JMJD1C: variants seen among roughly 807,000 people sequenced by gnomAD.
JMJD1C encodes jumonji domain containing 1C, also known as jumonji domain-containing protein 1C.
Under a neutral mutation model 245.3 loss-of-function variants are expected in JMJD1C, and 31 were observed. That is an observed-to-expected ratio of 0.13 (90% CI 0.09 to 0.17). The LOEUF (loss-of-function observed/expected upper bound fraction) is 0.17. Ranked by LOEUF, JMJD1C falls within the 10% of genes least tolerant of loss-of-function variation. JMJD1C has a pLI of 1.00. For missense variants in JMJD1C, 2,691 were observed against 3,000.2 expected, an observed-to-expected ratio of 0.90 and a Z score of 2.41; for synonymous variants, 1,057 against 1,017.4, an observed-to-expected ratio of 1.04 and a Z score of -0.74.
At chr10:63,458,110 C>G (rs1048753680) in intron 1 of JMJD1C, among the ~76,000 whole-genome samples, 1 of 152,152 alleles carries the variant, frequency 6.6e-6, no homozygotes, top group Non-Finnish European at 1.5e-5. Flanking sequence ...TCAACATTAA[C>G]AATTTAGTAA....
intron 1 of JMJD1C, among the ~76,000 whole-genome samples, chr10:63,446,196 T>C (rs752236651): frequency 4.6e-5 from 7 of 152,222 alleles, no homozygotes; most frequent in South Asian, 4.1e-4. Context: ...ATATGTTTTA[T>C]AGATAGAACC....
chr10:63,227,550 T>C (rs1329070921), intron 3 of JMJD1C, among the ~76,000 whole-genome samples: 1 of 152,228 alleles, frequency 6.6e-6, no homozygotes, highest in Non-Finnish European at 1.5e-5. Flanking sequence ...AGATAATGAC[T>C]GAATGCTCAC....
At chr10:63,446,338 T>C (rs546902418) in intron 1 of JMJD1C, among the ~76,000 whole-genome samples, 2 of 152,240 alleles carry the variant, frequency 1.3e-5, no homozygotes, top group East Asian at 1.9e-4. Context: ...AACAGGTTAG[T>C]ATCAGGAACT....
chr10:63,437,153 T>C (rs1397210380), intron 1 of JMJD1C, among the ~76,000 whole-genome samples: 2 of 152,282 alleles, frequency 1.3e-5, no homozygotes, highest in Admixed American at 6.5e-5. Flanking sequence ...CAGCTGAACA[T>C]AGCTGGAGAT....
chr10:63,176,665 C>T (rs528813184), intron 23 of JMJD1C, 192 bp from the exon 24 acceptor site: 2 of 562,696 alleles, frequency 3.6e-6, no homozygotes, highest in African/African-American at 3.7e-5. Context: ...TAAAACAATA[C>T]AGCAATGCTG....
chr10:63,389,170 A>C (rs2134581511), intron 1 of JMJD1C, among the ~76,000 whole-genome samples: 1 of 152,052 alleles, frequency 6.6e-6, no homozygotes, highest in South Asian at 2.1e-4. Flanking sequence ...CTAAAAATAC[A>C]AAAATTGGTG....
intron 2 of JMJD1C, among the ~76,000 whole-genome samples, chr10:63,293,299 A>AC (rs1468261182): frequency 6.6e-6 from 1 of 152,122 alleles, no homozygotes; most frequent in Non-Finnish European, 1.5e-5. Flanking sequence ...CAGCAAATAA[A>AC]CCAACAAATA....
chr10:63,415,908 A>T (rs1949772593), intron 1 of JMJD1C, among the ~76,000 whole-genome samples: 1 of 152,228 alleles, frequency 6.6e-6, no homozygotes, highest in South Asian at 2.1e-4. Flanking sequence ...CATGAAGTTG[A>T]AGAAAACAGA....
intron 10 of JMJD1C, chr10:63,204,661 A>G (rs1846390508): frequency 1.0e-6 from 1 of 985,318 alleles, no homozygotes; most frequent in Admixed American, 6.1e-5. Context: ...AACACTGTAT[A>G]TAATCCAATA....
intron 1 of JMJD1C, among the ~76,000 whole-genome samples, chr10:63,493,366 A>C (rs1954241413): frequency 7.3e-6 from 1 of 137,612 alleles, no homozygotes; most frequent in Non-Finnish European, 1.5e-5. Flanking sequence ...GGTTCAAGCG[A>C]TTCTCCTGCC....
chr10:63,176,274 G>T, intron 24 of JMJD1C, 23 bp downstream of exon 24: 2 of 1,524,788 alleles, frequency 1.3e-6, no homozygotes, highest in South Asian at 1.3e-5. Context: ...TAAAAAATAT[G>T]TTAGAAATAA....
intron 1 of JMJD1C, among the ~76,000 whole-genome samples, chr10:63,405,711 C>G (rs1163694111): frequency 1.3e-5 from 2 of 152,076 alleles, no homozygotes; most frequent in African/African-American, 4.8e-5. Context: ...CTATAGATGT[C>G]AATAATTCTA....
chr10:63,225,368 A>G (rs537542981), intron 3 of JMJD1C, among the ~76,000 whole-genome samples: 34 of 152,272 alleles, frequency 2.2e-4, no homozygotes, highest in African/African-American at 7.7e-4. Context: ...AAGTTCAAAA[A>G]ACATCTTAAA....
intron 2 of JMJD1C, among the ~76,000 whole-genome samples, chr10:63,379,237 A>G (rs551720734): frequency 7.9e-5 from 12 of 152,302 alleles, no homozygotes; most frequent in Admixed American, 3.9e-4. Flanking sequence ...GAACTACCCT[A>G]ACTCATTAGT....
chr10:63,238,533 A>G (rs1370225585), intron 3 of JMJD1C, among the ~76,000 whole-genome samples: 1 of 152,206 alleles, frequency 6.6e-6, no homozygotes, highest in Non-Finnish European at 1.5e-5. Context: ...AGGTCTTTAA[A>G]TTAATACTCA....
intron 2 of JMJD1C, among the ~76,000 whole-genome samples, chr10:63,314,853 G>T (rs551502191): frequency 4.4e-4 from 67 of 152,022 alleles, no homozygotes; most frequent in African/African-American, 1.5e-3. Context: ...TCACCATTTT[G>T]GCCAGGCTGG....
intron 2 of JMJD1C, among the ~76,000 whole-genome samples, chr10:63,305,369 AAAAAAAAC>A (rs768473380): frequency 5.8e-5 from 5 of 85,676 alleles, no homozygotes; most frequent in Non-Finnish European, 1.3e-4. Context: ...TCCACCTCAA[AAAAAAAAC>A]AAAAAACAAA....
chr10:63,440,662 A>G (rs1951330338), intron 1 of JMJD1C, among the ~76,000 whole-genome samples: 1 of 152,134 alleles, frequency 6.6e-6, no homozygotes, highest in Non-Finnish European at 1.5e-5. Flanking sequence ...CTCAGAAGGA[A>G]GAGAACCACC....
chr10:63,344,585 A>G (rs958455598), intron 2 of JMJD1C, among the ~76,000 whole-genome samples: 2 of 152,212 alleles, frequency 1.3e-5, no homozygotes, highest in East Asian at 1.9e-4. Flanking sequence ...AGAAATAAAA[A>G]CATAAACTTC....
Sources: gnomAD v4.1 joint callset for allele counts (sites outside exome capture counted in the v4.1 genomes callset) on GRCh38, gnomAD v4.1.1 for gene constraint, MANE v1.5 for transcripts, NCBI Gene and HGNC (gene_info 2026-07-23, HGNC 2026-07-21) for gene names.